Variants in FER observed in about 807,000 individuals in gnomAD.
FER encodes the protein tyrosine-protein kinase Fer.
A neutral mutation model predicts 111.0 loss-of-function variants in FER; 63 were observed. The observed-to-expected ratio is 0.57, with a 90% CI of 0.46 to 0.70. The LOEUF (loss-of-function observed/expected upper bound fraction) is 0.70. Among genes scored for constraint, FER ranks in the 30% least tolerant of loss-of-function variants. The pLI is 0.00. For missense variants in FER, 914 were observed against 954.0 expected (o/e 0.96, Z 0.55); for synonymous variants, 327 against 313.9 (o/e 1.04, Z -0.44).
At chr5:108,878,080 T>C (rs1765272771) in intron 8 of FER, among the ~76,000 whole-genome samples, 1 of 152,086 alleles carries the variant, frequency 6.6e-6, no homozygotes, top group African/African-American at 2.4e-5. Flanking sequence ...TAATTTTTTG[T>C]ATTTTTATTA....
chr5:108,851,310 C>T (rs1045800373), intron 5 of FER, among the ~76,000 whole-genome samples: 3 of 152,166 alleles, frequency 2.0e-5, no homozygotes, highest in Non-Finnish European at 4.4e-5. Flanking sequence ...GGCAGGGAAA[C>T]TCTGCCTTAT....
At chr5:108,752,588 GTAAGTATAAA>G (rs1561364737) in intron 1 of FER, among the ~76,000 whole-genome samples, 1 of 151,938 alleles carries the variant, frequency 6.6e-6, no homozygotes, top group African/African-American at 2.4e-5. Flanking sequence ...TTCTTATTCT[GTAAGTATAAA>G]TATTTTAGTT....
At chr5:109,186,149 C>T in intron 18 of FER, 51 bp from the exon 19 acceptor site, 1 of 1,613,498 alleles carries the variant, frequency 6.2e-7, no homozygotes, top group Non-Finnish European at 8.5e-7. Flanking sequence ...GGAAGGGTCA[C>T]CTACTTGTCT....
At chr5:108,880,325 T>A (rs924916097) in intron 8 of FER, among the ~76,000 whole-genome samples, 3 of 152,128 alleles carry the variant, frequency 2.0e-5, no homozygotes, top group African/African-American at 7.2e-5. Flanking sequence ...AGCTTTGATG[T>A]AGCATGGTCA....
At chr5:109,056,940 A>G (rs1383434211) in intron 16 of FER, among the ~76,000 whole-genome samples, 1 of 152,060 alleles carries the variant, frequency 6.6e-6, no homozygotes, top group Non-Finnish European at 1.5e-5. Context: ...TATTAATTTT[A>G]GTATTAGTTT....
In FER at chr5:108,867,664, C is replaced by T. The variant is rs1030401513; in HGVS notation, c.482-103C>T. ...ATAAAATTTTTTTGTTTAAAAAATG[C>T]GTGAAATAACATAAAACAGTAGTAA... On this transcript the variant is annotated intron_variant, in intron 5 of 19. Coordinates refer to ENST00000281092, the MANE Select transcript of FER (RefSeq NM_005246.4). 133 of 1,145,338 alleles carry T rather than the reference C, an allele frequency of 1.2e-4. No homozygotes were observed. In the African/African-American group the frequency reaches 1.8e-3, roughly 16 times the overall value. 70.9% of individuals were successfully genotyped at this position (1,145,338 alleles called of 1,614,324 possible).
chr5:109,130,961 T>C (rs914842240), intron 17 of FER, among the ~76,000 whole-genome samples: 1 of 152,196 alleles, frequency 6.6e-6, no homozygotes, highest in Admixed American at 6.6e-5. Flanking sequence ...TGTTTTATAC[T>C]TCATACTTTT....
intron 2 of FER, 78 bp from the exon 3 acceptor site, chr5:108,798,046 A>C: frequency 1.8e-6 from 1 of 558,186 alleles, no homozygotes; most frequent in Non-Finnish European, 3.1e-6. Flanking sequence ...CCAAAGAAGA[A>C]TCTATCATAA....
At chr5:108,834,723 G>C (rs1411684806) in intron 4 of FER, among the ~76,000 whole-genome samples, 2 of 149,788 alleles carry the variant, frequency 1.3e-5, no homozygotes, top group Admixed American at 6.7e-5. Context: ...AAAAAAGTTT[G>C]GTATCAGACT....
chr5:108,954,959 A>G (rs377409317), intron 12 of FER, 27 bp downstream of exon 12: 5 of 1,570,094 alleles, frequency 3.2e-6, no homozygotes, highest in Non-Finnish European at 4.3e-6. Context: ...GTTCATATGT[A>G]TATTTTGATG....
chr5:108,841,793 A>G (rs1215722014), intron 5 of FER: 1 of 412,528 alleles, frequency 2.4e-6, no homozygotes, highest in East Asian at 7.7e-5. Flanking sequence ...TGTGCAAAAT[A>G]CTCAGTCTTC....
intron 17 of FER, among the ~76,000 whole-genome samples, chr5:109,168,848 T>G (rs1186437535): frequency 6.6e-6 from 1 of 152,234 alleles, no homozygotes. Context: ...AGCTGTCACA[T>G]TATTCTTCCT....
chr5:108,792,568 C>T (rs1267030278), intron 2 of FER, among the ~76,000 whole-genome samples: 1 of 151,948 alleles, frequency 6.6e-6, no homozygotes, highest in Non-Finnish European at 1.5e-5. Flanking sequence ...AACTCCTGAC[C>T]TCAGGTGATC....
At chr5:108,928,909 T>TA (rs1237549317) in intron 10 of FER, among the ~76,000 whole-genome samples, 1 of 152,186 alleles carries the variant, frequency 6.6e-6, no homozygotes, top group Admixed American at 6.5e-5. Context: ...TCTAATATTT[T>TA]AGCCACATAA....
At chr5:109,110,609 GT>G (rs1749490942) in intron 17 of FER, among the ~76,000 whole-genome samples, 1 of 152,016 alleles carries the variant, frequency 6.6e-6, no homozygotes, top group Non-Finnish European at 1.5e-5. Flanking sequence ...TCTGTTCCAG[GT>G]TTATGAAGAA....
intron 17 of FER, among the ~76,000 whole-genome samples, chr5:109,165,064 A>G (rs1036392727): frequency 6.6e-6 from 1 of 152,130 alleles, no homozygotes; most frequent in Non-Finnish European, 1.5e-5. Context: ...ACTAGGTCCT[A>G]TCAGAGGAAC....
chr5:108,890,196 G>T (rs1747814113), intron 9 of FER, among the ~76,000 whole-genome samples: 1 of 151,916 alleles, frequency 6.6e-6, no homozygotes, highest in African/African-American at 2.4e-5. Flanking sequence ...TAACCTTTTG[G>T]CATTGGCTTT....
At chr5:109,162,538 G>A (rs1482177070) in intron 17 of FER, among the ~76,000 whole-genome samples, 3 of 151,886 alleles carry the variant, frequency 2.0e-5, no homozygotes, top group Non-Finnish European at 2.9e-5. Flanking sequence ...CAAGGGTGCT[G>A]GTCTTATGGA....
intron 3 of FER, among the ~76,000 whole-genome samples, chr5:108,804,918 C>G (rs1001185844): frequency 2.0e-5 from 3 of 149,156 alleles, no homozygotes; most frequent in African/African-American, 2.5e-5. Flanking sequence ...AGAATTGGTA[C>G]TACCTCTTTG....
Sources: gnomAD v4.1 joint callset for allele counts (sites outside exome capture counted in the v4.1 genomes callset) on GRCh38, gnomAD v4.1.1 for gene constraint, MANE v1.5 for transcripts, NCBI Gene and HGNC (gene_info 2026-07-23, HGNC 2026-07-21) for gene names.